The following KLHL2 variants were observed in gnomAD, a reference collection of about 807,000 sequenced individuals.
KLHL2 encodes the protein kelch-like protein 2.
A neutral mutation model predicts 75.8 loss-of-function variants in KLHL2; 15 were observed. The ratio of observed to expected loss-of-function variants is 0.20; its 90% CI spans 0.13 to 0.30. The LOEUF (loss-of-function observed/expected upper bound fraction) is 0.30. Among genes scored for constraint, KLHL2 ranks in the 10% least tolerant of loss-of-function variants. KLHL2 has a pLI of 1.00. For synonymous variants in KLHL2, 214 were observed against 251.9 expected (o/e 0.85, Z 1.42); for missense variants, 381 against 741.0 (o/e 0.51, Z 5.64).
intron 4 of KLHL2, among the ~76,000 whole-genome samples, chr4:165,244,293 A>G (rs910153169): frequency 1.3e-5 from 2 of 152,230 alleles, no homozygotes; most frequent in African/African-American, 2.4e-5. Flanking sequence ...TGTAATTTCA[A>G]TAAGTGCAAG....
chr4:165,272,371 G>C (rs1347092655), intron 5 of KLHL2, among the ~76,000 whole-genome samples: 1 of 152,020 alleles, frequency 6.6e-6, no homozygotes, highest in African/African-American at 2.4e-5. Context: ...AAGCAATTCT[G>C]TTCAACTAAG....
chr4:165,233,447 G>A (rs1739075563), intron 3 of KLHL2, among the ~76,000 whole-genome samples: 2 of 116,244 alleles, frequency 1.7e-5, no homozygotes, highest in South Asian at 4.5e-4. Flanking sequence ...TTTATTTTTA[G>A]CCTTTTTTTT....
At chr4:165,261,604 G>A (rs1378169438) in intron 4 of KLHL2, among the ~76,000 whole-genome samples, 2 of 152,196 alleles carry the variant, frequency 1.3e-5, no homozygotes, top group South Asian at 4.1e-4. Context: ...CTCCTAAAGT[G>A]CTGGGATTAC....
intron 5 of KLHL2, among the ~76,000 whole-genome samples, chr4:165,267,232 A>G (rs939980568): frequency 3.2e-4 from 49 of 152,306 alleles, no homozygotes; most frequent in African/African-American, 1.1e-3. Flanking sequence ...TGGGGTTTCT[A>G]AATATACAAT....
chr4:165,269,417 T>G (rs1360803532), intron 5 of KLHL2, among the ~76,000 whole-genome samples: 2 of 152,236 alleles, frequency 1.3e-5, no homozygotes, highest in East Asian at 3.8e-4. Context: ...CCATGGTCTT[T>G]ACAATTTGGC....
intron 5 of KLHL2, among the ~76,000 whole-genome samples, chr4:165,280,336 A>G (rs546487201): frequency 1.3e-5 from 2 of 152,344 alleles, no homozygotes; most frequent in South Asian, 4.1e-4. Context: ...TATTCTCTGT[A>G]AGACCAGTTT....
intron 7 of KLHL2, among the ~76,000 whole-genome samples, chr4:165,298,004 G>A (rs1174638895): frequency 6.6e-6 from 1 of 152,156 alleles, no homozygotes; most frequent in Non-Finnish European, 1.5e-5. Flanking sequence ...TGTATTTTCA[G>A]TAGAGTTGGG....
At chr4:165,284,623 C>A (rs144526815) in intron 5 of KLHL2, among the ~76,000 whole-genome samples, 1 of 152,194 alleles carries the variant, frequency 6.6e-6, no homozygotes, top group African/African-American at 2.4e-5. Context: ...CTGTCATCTT[C>A]TTCTGAGCTC....
At position 165,321,349 on chromosome 4, in the gene KLHL2, T is replaced by G. The variant is rs191522122; in HGVS notation, c.1754-683T>G. ...GAAGAGACAAGGATGAAGACCTTGATGATGATCCACTTCCCCTTAATGAAT... is the reference window on the plus strand; with the variant it reads ...GAAGAGACAAGGATGAAGACCTTGAGGATGATCCACTTCCCCTTAATGAAT... On this transcript the variant is annotated intron_variant, in intron 14 of 14. Coordinates refer to ENST00000226725, the MANE Select transcript of KLHL2 (RefSeq NM_007246.4). 1.6e-3 allele frequency: 714 copies of G among 455,578 alleles called. 2 individuals are homozygous for G. Among genetic ancestry groups the G allele is most frequent in the Non-Finnish European group, 2.5e-3 (575 of 226,608 alleles). 28.2% of individuals were successfully genotyped at this position (455,578 alleles called of 1,614,324 possible).
chr4:165,289,143 C>G (rs1744313731), intron 5 of KLHL2, among the ~76,000 whole-genome samples: 1 of 152,094 alleles, frequency 6.6e-6, no homozygotes, highest in Non-Finnish European at 1.5e-5. Context: ...AAGCAACAAT[C>G]TCATTAAATT....
chr4:165,311,410 G>T, intron 10 of KLHL2, 54 bp from the exon 11 acceptor site: 1 of 1,270,358 alleles, frequency 7.9e-7, no homozygotes, highest in Admixed American at 1.9e-5. Context: ...CCATATATAT[G>T]AACTATTGAC....
chr4:165,292,230 A>T (rs1744571124), intron 5 of KLHL2, among the ~76,000 whole-genome samples: 1 of 152,196 alleles, frequency 6.6e-6, no homozygotes, highest in Non-Finnish European at 1.5e-5. Context: ...GTCAAGTCTG[A>T]GTTTTAAACA....
At chr4:165,269,602 G>A (rs566313911) in intron 5 of KLHL2, among the ~76,000 whole-genome samples, 1 of 126,282 alleles carries the variant, frequency 7.9e-6, no homozygotes, top group African/African-American at 2.6e-5. Flanking sequence ...TGAAATTCTG[G>A]GTTGAAAATC....
chr4:165,220,617 CTTT>C (rs1483909032), intron 2 of KLHL2, among the ~76,000 whole-genome samples: 1 of 152,096 alleles, frequency 6.6e-6, no homozygotes, highest in East Asian at 1.9e-4. Context: ...TCTCTTGTTT[CTTT>C]TTACCTTTTT....
At chr4:165,317,775 T>C (rs1229973125) in intron 13 of KLHL2, 51 bp from the exon 14 acceptor site, 2 of 1,445,646 alleles carry the variant, frequency 1.4e-6, no homozygotes, top group South Asian at 1.2e-5. Context: ...GTGATACTCA[T>C]ATTCATCCCA....
intron 5 of KLHL2, among the ~76,000 whole-genome samples, chr4:165,292,215 G>T (rs1744570649): frequency 6.6e-6 from 1 of 152,122 alleles, no homozygotes; most frequent in South Asian, 2.1e-4. Context: ...GCAATACCTT[G>T]CTTTGTCAAG....
At chr4:165,306,022 T>A (rs559462249) in intron 9 of KLHL2, among the ~76,000 whole-genome samples, 5 of 152,318 alleles carry the variant, frequency 3.3e-5, no homozygotes, top group African/African-American at 9.6e-5. Flanking sequence ...ATTCTTTAGG[T>A]TGGGACCCTT....
At chr4:165,303,282 T>A (rs889971650) in intron 8 of KLHL2, among the ~76,000 whole-genome samples, 1 of 152,202 alleles carries the variant, frequency 6.6e-6, no homozygotes, top group Non-Finnish European at 1.5e-5. Flanking sequence ...TATTCAAACT[T>A]TGAGGATTAT....
intron 11 of KLHL2, 127 bp from the exon 12 acceptor site, chr4:165,313,111 A>G: frequency 1.2e-6 from 1 of 829,662 alleles, no homozygotes; most frequent in Non-Finnish European, 1.8e-6. Context: ...AAAAATCAGC[A>G]GCACTTTAAG....
Sources: gnomAD v4.1 joint callset for allele counts (sites outside exome capture counted in the v4.1 genomes callset) on GRCh38, gnomAD v4.1.1 for gene constraint, MANE v1.5 for transcripts, NCBI Gene and HGNC (gene_info 2026-07-23, HGNC 2026-07-21) for gene names.